Variants in ACOXL observed in about 807,000 individuals in gnomAD.
ACOXL encodes the protein acyl-coenzyme A oxidase-like protein.
ACOXL carries 70 observed loss-of-function variants against 71.9 expected under a neutral mutation model. That is an observed-to-expected ratio of 0.97 (90% CI 0.80 to 1.19). The LOEUF (loss-of-function observed/expected upper bound fraction) is 1.19, where lower values mean the gene tolerates loss of function less well. Among genes scored for constraint, ACOXL ranks in the 50% most tolerant of loss-of-function variants. The pLI, the probability that ACOXL is intolerant of heterozygous loss-of-function variation, is 0.00. For synonymous variants in ACOXL, 253 were observed against 281.6 expected, an observed-to-expected ratio of 0.90 and a Z score of 1.02; for missense variants, 703 against 736.3, an observed-to-expected ratio of 0.95 and a Z score of 0.52.
intron 10 of ACOXL, among the ~76,000 whole-genome samples, chr2:110,858,343 C>T (rs1328526475): frequency 6.6e-6 from 1 of 152,126 alleles, no homozygotes; most frequent in Non-Finnish European, 1.5e-5. Flanking sequence ...GGGGATCCTT[C>T]CTACTCCCCG....
chr2:110,750,687 A>G (rs933425596), intron 1 of ACOXL, among the ~76,000 whole-genome samples: 3 of 150,238 alleles, frequency 2.0e-5, no homozygotes, highest in Non-Finnish European at 4.4e-5. Context: ...GTGTGTGTAT[A>G]TATATATATA....
intron 12 of ACOXL, among the ~76,000 whole-genome samples, chr2:110,961,197 CTGT>C (rs1328569157): frequency 6.6e-6 from 1 of 152,202 alleles, no homozygotes; most frequent in African/African-American, 2.4e-5. Flanking sequence ...GCTGTGAGCC[CTGT>C]TACCTCAGTT....
At chr2:111,116,190 TAGTC>T (rs2070342311) in intron 17 of ACOXL, among the ~76,000 whole-genome samples, 1 of 152,186 alleles carries the variant, frequency 6.6e-6, no homozygotes, top group South Asian at 2.1e-4. Flanking sequence ...GTTGACAGAT[TAGTC>T]AGGGATTTTT....
At chr2:111,021,288 G>C (rs937797026) in intron 14 of ACOXL, among the ~76,000 whole-genome samples, 1 of 152,172 alleles carries the variant, frequency 6.6e-6, no homozygotes, top group Non-Finnish European at 1.5e-5. Context: ...CCCCGAATCC[G>C]GGATACAGTC....
At chr2:111,083,218 A>C (rs1327579316) in intron 16 of ACOXL, among the ~76,000 whole-genome samples, 1 of 152,068 alleles carries the variant, frequency 6.6e-6, no homozygotes, top group Non-Finnish European at 1.5e-5. Context: ...CCCTTACTCT[A>C]TCATTTAACT....
At chr2:110,872,805 G>A (rs1369765951) in intron 10 of ACOXL, among the ~76,000 whole-genome samples, 2 of 152,184 alleles carry the variant, frequency 1.3e-5, no homozygotes, top group Non-Finnish European at 2.9e-5. Flanking sequence ...GTGAGTGCTG[G>A]GGGATAGGGT....
At chr2:110,899,218 G>C (rs76652405) in intron 10 of ACOXL, among the ~76,000 whole-genome samples, 3 of 152,168 alleles carry the variant, frequency 2.0e-5, no homozygotes, top group Non-Finnish European at 4.4e-5. Flanking sequence ...TAAGCTGCTC[G>C]GGCAATTTCC....
At chr2:110,872,134 C>T (rs147179074) in intron 10 of ACOXL, among the ~76,000 whole-genome samples, 1 of 152,212 alleles carries the variant, frequency 6.6e-6, no homozygotes, top group African/African-American at 2.4e-5. Context: ...CTGCTGGCCT[C>T]AAACCATCAC....
chr2:110,867,316 G>T (rs769201587), intron 10 of ACOXL, among the ~76,000 whole-genome samples: 1 of 152,162 alleles, frequency 6.6e-6, no homozygotes, highest in Non-Finnish European at 1.5e-5. Context: ...AGGCCTGGGG[G>T]TGTGGTAATG....
intron 13 of ACOXL, among the ~76,000 whole-genome samples, chr2:110,993,638 G>A (rs953393518): frequency 3.3e-5 from 5 of 152,088 alleles, no homozygotes; most frequent in Non-Finnish European, 7.4e-5. Flanking sequence ...TTTCTCTTAG[G>A]CAATTAGTAG....
chr2:111,011,900 A>G (rs2064185197), intron 14 of ACOXL, among the ~76,000 whole-genome samples: 1 of 151,030 alleles, frequency 6.6e-6, no homozygotes, highest in Non-Finnish European at 1.5e-5. Context: ...AAAAAAAAAA[A>G]AAAAAGGAGT....
intron 12 of ACOXL, among the ~76,000 whole-genome samples, chr2:110,954,625 C>T (rs894180208): frequency 6.6e-6 from 1 of 152,224 alleles, no homozygotes; most frequent in Non-Finnish European, 1.5e-5. Context: ...CTCCCACCCT[C>T]TAAACTATTG....
intron 1 of ACOXL, among the ~76,000 whole-genome samples, chr2:110,751,375 C>T (rs997982818): frequency 6.6e-5 from 10 of 151,714 alleles, no homozygotes; most frequent in Admixed American, 3.9e-4. Flanking sequence ...TCTTTATATC[C>T]ACTACCTAGA....
intron 11 of ACOXL, among the ~76,000 whole-genome samples, chr2:110,915,428 AT>A (rs56961921): frequency 3.1e-4 from 34 of 108,000 alleles, no homozygotes; most frequent in African/African-American, 5.7e-4. Flanking sequence ...ATATATATAT[AT>A]TTTTTTTTTT....
rs978519083 is a variant in ACOXL, at chr2:111,046,785, G to A, written c.1370-2433G>A. 1.1e-4 allele frequency among the ~76,000 whole-genome samples: 17 copies of A among 152,296 alleles called. 1 individual carries two copies. Among genetic ancestry groups the A allele is most frequent in the Admixed American group, 1.0e-3 (16 of 15,300 alleles). On this transcript the variant is annotated intron_variant, in intron 15 of 17. Transcript: ENST00000439055. ...TATCAGGTGGGATCCTGGCCAACCT[G>A]AGGAGACAGGGAGGGAGTGCATGGC... is the stretch of plus-strand genomic sequence containing the variant.
chr2:110,734,266 G>A (rs1404673194), intron 1 of ACOXL, among the ~76,000 whole-genome samples: 1 of 151,944 alleles, frequency 6.6e-6, no homozygotes, highest in East Asian at 1.9e-4. Context: ...GCTCTTTGGG[G>A]ACCTCATAAT....
chr2:111,021,110 T>C (rs1007779318), intron 14 of ACOXL, among the ~76,000 whole-genome samples: 2 of 152,154 alleles, frequency 1.3e-5, no homozygotes, highest in Non-Finnish European at 2.9e-5. Flanking sequence ...CCTGCCACAT[T>C]CTGAGCAAAG....
intron 2 of ACOXL, among the ~76,000 whole-genome samples, chr2:110,780,538 C>T (rs1010578074): frequency 6.6e-6 from 1 of 152,148 alleles, no homozygotes. Context: ...CTGGAAGCAA[C>T]CCAGTTTCAC....
chr2:111,052,943 C>A (rs540022355), intron 16 of ACOXL, among the ~76,000 whole-genome samples: 7 of 152,306 alleles, frequency 4.6e-5, no homozygotes, highest in African/African-American at 1.4e-4. Context: ...TCATCCTCTG[C>A]AGCCTCTTTC....
Sources: gnomAD v4.1 joint callset for allele counts (sites outside exome capture counted in the v4.1 genomes callset) on GRCh38, gnomAD v4.1.1 for gene constraint, MANE v1.5 for transcripts, NCBI Gene and HGNC (gene_info 2026-07-23, HGNC 2026-07-21) for gene names.